The following ITGA1 variants were observed in gnomAD, a reference collection of about 807,000 sequenced individuals.
ITGA1 encodes integrin alpha-1.
In ITGA1, 85 loss-of-function variants were observed where a neutral mutation model predicts 145.9. The ratio of observed to expected loss-of-function variants is 0.58; its 90% CI spans 0.49 to 0.70. ITGA1 has a LOEUF of 0.70. Ranked by LOEUF, ITGA1 falls within the 30% of genes least tolerant of loss-of-function variation. The pLI is 0.00. For missense variants in ITGA1, 1,351 were observed against 1,418.7 expected, an observed-to-expected ratio of 0.95 and a Z score of 0.77; for synonymous variants, 520 against 495.3, an observed-to-expected ratio of 1.05 and a Z score of -0.66.
intron 21 of ITGA1, 61 bp downstream of exon 21, chr5:52,929,762 C>A: frequency 1.1e-6 from 1 of 900,442 alleles, no homozygotes; most frequent in South Asian, 1.7e-5. Context: ...CTGTGTATGT[C>A]GAATATTTTG....
rs191878783 is a variant in ITGA1 at position 52,899,322 on chromosome 5, C to T, written c.1309+939C>T. Among the ~76,000 whole-genome samples, 6 of 152,210 alleles carry T rather than the reference C, an allele frequency of 3.9e-5. No homozygotes were observed. The East Asian group carries it at 5.8e-4, about 15-fold the overall frequency. On this transcript the variant is annotated intron_variant, in intron 11 of 28. Transcript: ENST00000282588. ...TCAGGAAGGTGGCAGGTCTTTACTG[C>T]GGTGTTTATACATCTCCTTATTGAA...
intron 3 of ITGA1, among the ~76,000 whole-genome samples, chr5:52,862,680 T>C (rs1189434343): frequency 6.6e-6 from 1 of 152,096 alleles, no homozygotes; most frequent in Non-Finnish European, 1.5e-5. Flanking sequence ...AAAAATAGAA[T>C]CACACAAGAT....
intron 6 of ITGA1, among the ~76,000 whole-genome samples, chr5:52,874,869 T>G (rs1347517920): frequency 1.3e-5 from 2 of 152,216 alleles, no homozygotes; most frequent in African/African-American, 4.8e-5. Context: ...AACAATTAGT[T>G]GATCTTGACA....
At chr5:52,816,785 C>T (rs139980975) in intron 1 of ITGA1, among the ~76,000 whole-genome samples, 26 of 152,258 alleles carry the variant, frequency 1.7e-4, no homozygotes, top group East Asian at 7.7e-4. Flanking sequence ...TCTAACACTC[C>T]GCTATTTCTG....
intron 1 of ITGA1, among the ~76,000 whole-genome samples, chr5:52,811,632 A>G (rs1748685151): frequency 6.6e-6 from 1 of 152,182 alleles, no homozygotes; most frequent in African/African-American, 2.4e-5. Flanking sequence ...AAACTTGAAT[A>G]TAGGGTGGTA....
intron 1 of ITGA1, among the ~76,000 whole-genome samples, chr5:52,815,511 C>T (rs1469546651): frequency 2.6e-5 from 4 of 152,198 alleles, no homozygotes; most frequent in Non-Finnish European, 4.4e-5. Context: ...CAGGAGAGAT[C>T]TTTGCCTGGG....
rs1260644152 is a variant in ITGA1 at position 52,957,543 on chromosome 5, G to T, written c.*5092G>T. 6.6e-6 allele frequency: 1 copy of T among 152,124 alleles called. No individual in the cohort carries two copies. Among genetic ancestry groups the T allele is most frequent in the Non-Finnish European group, 1.5e-5 (1 of 68,042 alleles). The allele number at this position is 152,124 out of a possible 1,614,324, so 9.4% of individuals were successfully genotyped here. A position where few individuals can be genotyped will look rare whatever the true frequency, so the allele number is the denominator to read the frequency against. On this transcript the variant is annotated 3_prime_UTR_variant, in exon 29 of 29. Coordinates refer to ENST00000282588, the MANE Select transcript of ITGA1 (RefSeq NM_181501.2). ...CCCTAGCATTTTCCTCCTCCCACAG[G>T]CTGGAGAATTTCAGTGCTATGAGAC...
chr5:52,791,157 G>A (rs573602657), intron 1 of ITGA1, among the ~76,000 whole-genome samples: 6 of 152,288 alleles, frequency 3.9e-5, no homozygotes, highest in Admixed American at 6.5e-5. Flanking sequence ...GTTATTTTAT[G>A]TATGTCAAAG....
chr5:52,854,870 T>G (rs1286978511), intron 2 of ITGA1, among the ~76,000 whole-genome samples: 1 of 152,198 alleles, frequency 6.6e-6, no homozygotes, highest in Non-Finnish European at 1.5e-5. Flanking sequence ...TGATGATCCT[T>G]GAGTTGATCA....
In ITGA1 at chr5:52,882,007, A is replaced by C. The variant is rs776079888; in HGVS notation, c.759A>C (p.Gly253=). The C allele has an allele frequency of 6.2e-7, 1 of 1,611,860 alleles. No individual in the cohort carries two copies. Among genetic ancestry groups the C allele is most frequent in the Admixed American group, 1.7e-5 (1 of 59,572 alleles). The change falls in exon 7 of 29, where the codon GGA becomes GGC. Residue 253 remains glycine (G), a synonymous_variant. Coordinates refer to ENST00000282588, the MANE Select transcript of ITGA1 (RefSeq NM_181501.2). ...RGGRQTMTAL[G]IDTARKEAFT... is the part of the protein sequence containing the mutation. ...GCCGCCAGACTATGACAGCTCTTGG[A>C]ATAGACACAGCAAGGTATATGGATA...
At chr5:52,802,310 C>T (rs1347633675) in intron 1 of ITGA1, 1 of 152,386 alleles carries the variant, frequency 6.6e-6, no homozygotes, top group Non-Finnish European at 1.5e-5. Flanking sequence ...CACCTCCACA[C>T]ACTACATTTT....
rs142006331 is a variant in ITGA1, at chr5:52,840,551, C to T, written c.62-8814C>T. Among the ~76,000 whole-genome samples the T allele has an allele frequency of 3.4e-3, 515 of 152,230 alleles. 6 individuals are homozygous for T. The highest frequency in any genetic ancestry group is 0.012 in the African/African-American group (485 of 41,536). On this transcript the variant is annotated intron_variant, in intron 1 of 28. Coordinates refer to ENST00000282588, the MANE Select transcript of ITGA1 (RefSeq NM_181501.2). ...TGGTGAAGGGGGTTGGTTTCTGAAA[C>T]TGTTTAAGAATTTTAGAGATCAAGA...
intron 13 of ITGA1, 52 bp downstream of exon 13, chr5:52,909,093 C>T (rs748119422): frequency 1.7e-5 from 26 of 1,546,274 alleles, no homozygotes; most frequent in Non-Finnish European, 1.1e-5. Flanking sequence ...TCCTTCTCTT[C>T]ATTTTTTAAT....
intron 22 of ITGA1, 44 bp downstream of exon 22, chr5:52,932,180 C>G (rs373899393): frequency 8.2e-7 from 1 of 1,224,916 alleles, no homozygotes; most frequent in Admixed American, 1.8e-5. Flanking sequence ...TTCTATTAAC[C>G]CAGTGGTTCT....
intron 1 of ITGA1, among the ~76,000 whole-genome samples, chr5:52,821,492 T>A (rs1263444350): frequency 6.6e-6 from 1 of 152,194 alleles, no homozygotes; most frequent in Non-Finnish European, 1.5e-5. Context: ...ATGATGTCAC[T>A]ATAATACATA....
intron 6 of ITGA1, among the ~76,000 whole-genome samples, chr5:52,874,199 G>A (rs1454024371): frequency 6.6e-6 from 1 of 152,154 alleles, no homozygotes; most frequent in Admixed American, 6.5e-5. Context: ...AGGAATGGAA[G>A]CAGCCACGTG....
At chr5:52,946,505 C>A (rs1751137659) in intron 27 of ITGA1, among the ~76,000 whole-genome samples, 1 of 152,128 alleles carries the variant, frequency 6.6e-6, no homozygotes, top group Non-Finnish European at 1.5e-5. Context: ...AATCTCTCCC[C>A]TGTTAGTTTC....
At position 52,937,437 on chromosome 5, in the gene ITGA1, A is replaced by C. The variant is rs931683469; in HGVS notation, c.3001A>C (p.Lys1001Gln). The C allele has an allele frequency of 1.9e-6, 3 of 1,613,506 alleles. No individual in the cohort carries two copies. The East Asian group carries it at 6.7e-5, about 36-fold the overall frequency. The change falls in exon 24 of 29, where the codon AAG (lysine) becomes CAG (glutamine). Residue 1001 changes from lysine (K) to glutamine (Q), a missense_variant. Lys to Gln is a moderately conservative substitution (Grantham distance 53). Coordinates refer to ENST00000282588, the MANE Select transcript of ITGA1 (RefSeq NM_181501.2). ...TGGATCTTTTCCAATGCCAGAGCTT[A>C]AGCTGTCAATTTCATTCCCCAATAT... ...KSGSFPMPEL[K>Q]LSISFPNMTS...
chr5:52,806,843 G>A (rs544437646), intron 1 of ITGA1, among the ~76,000 whole-genome samples: 24 of 152,270 alleles, frequency 1.6e-4, no homozygotes, highest in Admixed American at 1.5e-3. Context: ...ACCTTTGTGT[G>A]TAGTATTATA....
Sources: gnomAD v4.1 joint callset for allele counts (sites outside exome capture counted in the v4.1 genomes callset) on GRCh38, gnomAD v4.1.1 for gene constraint, MANE v1.5 for transcripts, NCBI Gene and HGNC (gene_info 2026-07-23, HGNC 2026-07-21) for gene names.